Variants in MAST2 observed in about 807,000 individuals in gnomAD.
MAST2 encodes microtubule associated serine/threonine kinase 2.
Under a neutral mutation model 147.4 loss-of-function variants are expected in MAST2, and 70 were observed. That is an observed-to-expected ratio of 0.47 (90% CI 0.39 to 0.58). The LOEUF (loss-of-function observed/expected upper bound fraction) is 0.58, where lower values mean the gene tolerates loss of function less well. Ranked by LOEUF, MAST2 falls within the 20% of genes least tolerant of loss-of-function variation. The pLI is 0.00. For missense variants in MAST2, 2,080 were observed against 2,302.3 expected, an observed-to-expected ratio of 0.90 and a Z score of 1.98; for synonymous variants, 869 against 896.8, an observed-to-expected ratio of 0.97 and a Z score of 0.55.
At chr1:45,928,562 T>G (rs1051205582) in intron 4 of MAST2, among the ~76,000 whole-genome samples, 2 of 122,124 alleles carry the variant, frequency 1.6e-5, no homozygotes, top group Non-Finnish European at 3.6e-5. Context: ...GTCTGATCAC[T>G]CTTTCTTTTT....
chr1:45,868,522 T>C (rs1165673725), intron 3 of MAST2, among the ~76,000 whole-genome samples: 1 of 152,162 alleles, frequency 6.6e-6, no homozygotes, highest in African/African-American at 2.4e-5. Flanking sequence ...AGTATTTTTA[T>C]GCACCCCCCC....
At chr1:45,923,758 G>T (rs1653913792) in intron 4 of MAST2, among the ~76,000 whole-genome samples, 1 of 152,158 alleles carries the variant, frequency 6.6e-6, no homozygotes, top group African/African-American at 2.4e-5. Context: ...CTTTTCCCAA[G>T]GTGATGTATT....
At chr1:45,944,228 G>A (rs150569912) in intron 4 of MAST2, among the ~76,000 whole-genome samples, 1,740 of 152,176 alleles carry the variant, frequency 0.011, 18 homozygotes, top group Non-Finnish European at 0.02. Context: ...CTTTACATAC[G>A]TGTAAGCCAC....
chr1:45,806,733 A>G (rs914921235), intron 1 of MAST2, among the ~76,000 whole-genome samples: 3 of 152,090 alleles, frequency 2.0e-5, no homozygotes, highest in African/African-American at 4.8e-5. Context: ...ATGCACCACC[A>G]TGCCTGGCTA....
At chr1:45,826,889 C>T (rs1443089060) in intron 2 of MAST2, among the ~76,000 whole-genome samples, 1 of 152,028 alleles carries the variant, frequency 6.6e-6, no homozygotes, top group Admixed American at 6.6e-5. Flanking sequence ...AATGCAGTGG[C>T]GCGATCTCGG....
chr1:45,883,467 T>G (rs143998815), intron 4 of MAST2, among the ~76,000 whole-genome samples: 370 of 152,292 alleles, frequency 2.4e-3, no homozygotes, highest in Non-Finnish European at 3.6e-3. Flanking sequence ...TAAGGTTCAG[T>G]CTTGACCATG....
chr1:45,948,162 C>A (rs1658362188), intron 4 of MAST2, among the ~76,000 whole-genome samples: 1 of 152,096 alleles, frequency 6.6e-6, no homozygotes, highest in Non-Finnish European at 1.5e-5. Context: ...ACAATTGCCA[C>A]AAAAAGAATA....
intron 3 of MAST2, among the ~76,000 whole-genome samples, chr1:45,840,977 G>A (rs964194406): frequency 6.6e-6 from 1 of 152,156 alleles, no homozygotes. Flanking sequence ...TTGAGACAGG[G>A]ACTTGCTTAG....
intron 3 of MAST2, among the ~76,000 whole-genome samples, chr1:45,832,254 A>G: frequency 6.6e-6 from 1 of 151,802 alleles, no homozygotes. Flanking sequence ...TTTGATCCAG[A>G]TGTCTGGGGT....
chr1:45,996,041 G>A (rs950235416), intron 5 of MAST2, among the ~76,000 whole-genome samples: 2 of 151,092 alleles, frequency 1.3e-5, no homozygotes, highest in African/African-American at 4.9e-5. Context: ...CCTGCTTGAA[G>A]TTGTCCTACA....
At chr1:45,813,199 A>G (rs77971237) in intron 1 of MAST2, among the ~76,000 whole-genome samples, 23 of 152,286 alleles carry the variant, frequency 1.5e-4, no homozygotes, top group African/African-American at 2.6e-4. Context: ...AGAAAAAAAT[A>G]TCTATACATG....
intron 3 of MAST2, among the ~76,000 whole-genome samples, chr1:45,841,116 T>G (rs1645260400): frequency 6.6e-6 from 1 of 151,908 alleles, no homozygotes; most frequent in Non-Finnish European, 1.5e-5. Context: ...TTTCATTTCC[T>G]TATTATTTGT....
intron 4 of MAST2, among the ~76,000 whole-genome samples, chr1:45,902,494 G>A (rs528881568): frequency 1.6e-4 from 25 of 152,094 alleles, no homozygotes; most frequent in African/African-American, 5.1e-4. Context: ...TGATTTAGTA[G>A]AACGAGCTAG....
intron 4 of MAST2, among the ~76,000 whole-genome samples, chr1:45,943,784 G>C (rs1657658461): frequency 1.3e-5 from 2 of 152,108 alleles, no homozygotes; most frequent in African/African-American, 4.8e-5. Context: ...AATAGGTTTT[G>C]CTTTAAAGAT....
intron 4 of MAST2, among the ~76,000 whole-genome samples, chr1:45,924,541 C>T (rs1482343561): frequency 6.6e-6 from 1 of 152,138 alleles, no homozygotes; most frequent in Admixed American, 6.6e-5. Context: ...TTGGCATCTG[C>T]ACCTGAGGAC....
chr1:45,948,119 G>C (rs180688306), intron 4 of MAST2, among the ~76,000 whole-genome samples: 166 of 152,254 alleles, frequency 1.1e-3, no homozygotes, highest in Admixed American at 3.9e-3. Flanking sequence ...CAGCAGCCAG[G>C]GAGAGAGCCA....
chr1:46,012,843 A>G (rs902342293), intron 10 of MAST2, among the ~76,000 whole-genome samples: 2 of 152,080 alleles, frequency 1.3e-5, no homozygotes, highest in Admixed American at 1.3e-4. Context: ...CTAGCCAGGC[A>G]TTTCACCATG....
chr1:45,862,575 T>C (rs549371621), intron 3 of MAST2, among the ~76,000 whole-genome samples: 1 of 151,730 alleles, frequency 6.6e-6, no homozygotes, highest in African/African-American at 2.4e-5. Context: ...GTTTGAATGA[T>C]TTTTCTGCCT....
chr1:45,845,922 G>A (rs1002120911), intron 3 of MAST2, among the ~76,000 whole-genome samples: 29 of 151,968 alleles, frequency 1.9e-4, no homozygotes, highest in South Asian at 6.2e-4. Context: ...CACCATGCCC[G>A]GCTAGTTTTT....
Sources: allele counts gnomAD v4.1 joint callset (sites outside exome capture counted in the v4.1 genomes callset), GRCh38; gene constraint gnomAD v4.1.1; transcripts MANE v1.5; gene names NCBI Gene and HGNC (gene_info 2026-07-23, HGNC 2026-07-21).